Variants in STK32B observed in about 807,000 individuals in gnomAD.
The protein encoded by STK32B is serine/threonine-protein kinase 32B.
In STK32B, 43 loss-of-function variants were observed where a neutral mutation model predicts 52.6. The observed-to-expected ratio is 0.82, with a 90% confidence interval of 0.64 to 1.05. The LOEUF is 1.05. Among genes scored for constraint, STK32B ranks in the 50% least tolerant of loss-of-function variants. STK32B has a pLI of 0.00. For missense variants in STK32B, 621 were observed against 534.6 expected (o/e 1.16, Z -1.59); for synonymous variants, 238 against 204.3 (o/e 1.17, Z -1.41).
rs1382422296 is a variant in STK32B, at chr4:5,351,001, TC to T, written c.434+19610del. Among the ~76,000 whole-genome samples the T allele has an allele frequency of 5.9e-5, 9 of 152,038 alleles. No individual in the cohort carries two copies. In the East Asian group the frequency reaches 1.7e-3, roughly 29 times the overall value. On this transcript the variant is annotated intron_variant, in intron 4 of 11. Transcript: ENST00000282908. ...ATTAGATCTAAAGGGAAAGATAGAC[TC>T]CAGTACAATAACAGTTGGGGACTTT...
intron 11 of STK32B, among the ~76,000 whole-genome samples, chr4:5,486,271 C>G (rs1246455237): frequency 3.9e-5 from 6 of 152,214 alleles, no homozygotes; most frequent in African/African-American, 7.2e-5. Context: ...TTTACCTACT[C>G]AAGCCTTGGC....
At chr4:5,023,215 G>A in the STK32B span, among the ~76,000 whole-genome samples, 70 of 152,308 alleles carry the variant, frequency 4.6e-4, 1 homozygote, top group East Asian at 0.012. Flanking sequence ...GCCCGGAATT[G>A]TAAGATCATA....
intron 1 of STK32B, among the ~76,000 whole-genome samples, chr4:5,087,348 C>T (rs192951674): frequency 6.6e-6 from 1 of 151,716 alleles, no homozygotes; most frequent in East Asian, 1.9e-4. Flanking sequence ...CACTATAGAA[C>T]ATCTATTTAA....
rs547947124 is a variant in STK32B, at chr4:5,144,042, A to T, written c.108+4082A>T. On this transcript the variant is annotated intron_variant, in intron 2 of 11. Transcript: ENST00000282908. ...GTGGTTGCCAGAGGAGTGATCGGCTAGTCAGTGTTTATAAGGAGTAGCTCA... is the reference window on the plus strand; with the variant it reads ...GTGGTTGCCAGAGGAGTGATCGGCTTGTCAGTGTTTATAAGGAGTAGCTCA... Among the ~76,000 whole-genome samples, 40 of 152,276 alleles carry T rather than the reference A, an allele frequency of 2.6e-4. 1 individual carries two copies. The South Asian group carries it at 7.9e-3, about 30-fold the overall frequency.
intron 11 of STK32B, among the ~76,000 whole-genome samples, chr4:5,483,667 T>G (rs1275716721): frequency 6.6e-6 from 1 of 152,190 alleles, no homozygotes; most frequent in African/African-American, 2.4e-5. Flanking sequence ...CTAGTTCTTT[T>G]AATTGTGATG....
intron 3 of STK32B, among the ~76,000 whole-genome samples, chr4:5,276,113 A>G (rs1338107588): frequency 6.6e-6 from 1 of 150,976 alleles, no homozygotes; most frequent in South Asian, 2.1e-4. Flanking sequence ...ACTTGGAAAA[A>G]CCCCATCTCT....
intron 3 of STK32B, among the ~76,000 whole-genome samples, chr4:5,270,731 G>A (rs1411114267): frequency 6.6e-6 from 1 of 152,104 alleles, no homozygotes; most frequent in Non-Finnish European, 1.5e-5. Flanking sequence ...GAAATAAAAA[G>A]CATTAAGATG....
intron 3 of STK32B, among the ~76,000 whole-genome samples, chr4:5,285,725 T>C (rs190260513): frequency 1.3e-5 from 2 of 152,294 alleles, no homozygotes; most frequent in Admixed American, 6.5e-5. Flanking sequence ...TATTAGTAGA[T>C]AGATCAAATG....
chr4:5,232,913 T>C lies in STK32B; in HGVS notation c.260+64463T>C, dbSNP rs919190136. ...AAGGAGAATGGGATTGAGGCACTTA[T>C]TCCCTAGCTCCTTGCATCTGAAGAT... On this transcript the variant is annotated intron_variant, in intron 3 of 11. Coordinates refer to ENST00000282908, the MANE Select transcript of STK32B (RefSeq NM_018401.3). 4.0e-5 allele frequency among the ~76,000 whole-genome samples: 6 copies of C among 151,804 alleles called. No homozygotes were observed. In the East Asian group the frequency reaches 7.7e-4, roughly 20 times the overall value.
intron 2 of STK32B, among the ~76,000 whole-genome samples, chr4:5,140,642 A>G (rs967748635): frequency 6.6e-6 from 1 of 152,218 alleles, no homozygotes; most frequent in Non-Finnish European, 1.5e-5. Context: ...TTTGAGCTGA[A>G]GGCTGACCAG....
At chr4:5,487,280 T>G (rs1467697984) in intron 11 of STK32B, among the ~76,000 whole-genome samples, 1 of 152,222 alleles carries the variant, frequency 6.6e-6, no homozygotes, top group African/African-American at 2.4e-5. Context: ...AGTATTGATT[T>G]CCATCTAATT....
intron 3 of STK32B, among the ~76,000 whole-genome samples, chr4:5,236,251 C>A (rs1268850540): frequency 2.6e-5 from 4 of 152,198 alleles, no homozygotes; most frequent in Non-Finnish European, 5.9e-5. Flanking sequence ...ACACCTTCCA[C>A]CTGGCACTCA....
intron 3 of STK32B, among the ~76,000 whole-genome samples, chr4:5,323,082 G>A (rs944241332): frequency 5.3e-5 from 8 of 152,162 alleles, no homozygotes; most frequent in Admixed American, 3.3e-4. Context: ...TAAGGGATGA[G>A]CAGGGGGTCT....
At chr4:5,309,604 G>A (rs926812078) in intron 3 of STK32B, among the ~76,000 whole-genome samples, 3 of 152,112 alleles carry the variant, frequency 2.0e-5, no homozygotes, top group African/African-American at 4.8e-5. Context: ...TGGACTTTTG[G>A]CAAAGGTACC....
chr4:5,150,497 A>G (rs1208032892), intron 2 of STK32B, among the ~76,000 whole-genome samples: 1 of 152,148 alleles, frequency 6.6e-6, no homozygotes, highest in East Asian at 1.9e-4. Context: ...TTAAAAACAT[A>G]TTTTTAACAA....
rs528302768 is a variant in STK32B, at chr4:5,371,402, A to G, written c.435-26805A>G. Among the ~76,000 whole-genome samples the G allele has an allele frequency of 2.9e-4, 44 of 152,332 alleles. 1 individual carries two copies. In the South Asian group the frequency reaches 7.1e-3, roughly 24 times the overall value. ...TTTCTTGCTAAAGTGACTTAGCAGG[A>G]ATCTTGCTAAAACTGGATTTAGCAA... On this transcript the variant is annotated intron_variant, in intron 4 of 11. Transcript: ENST00000282908.
At chr4:5,490,293 G>A (rs1386081289) in intron 11 of STK32B, among the ~76,000 whole-genome samples, 1 of 152,006 alleles carries the variant, frequency 6.6e-6, no homozygotes, top group Non-Finnish European at 1.5e-5. Flanking sequence ...TTTTAGTAGA[G>A]ATGGGGTTTC....
chr4:5,266,425 C>T (rs545538309), intron 3 of STK32B, among the ~76,000 whole-genome samples: 2 of 152,276 alleles, frequency 1.3e-5, no homozygotes, highest in South Asian at 4.2e-4. Flanking sequence ...GTTTCAAAAA[C>T]AGTATACAAA....
intron 1 of STK32B, among the ~76,000 whole-genome samples, chr4:5,087,083 T>A (rs1353427227): frequency 6.6e-6 from 1 of 152,210 alleles, no homozygotes; most frequent in East Asian, 1.9e-4. Flanking sequence ...TTATTCCATG[T>A]GTTTTAAAAA....
Sources: gnomAD v4.1 joint callset for allele counts (sites outside exome capture counted in the v4.1 genomes callset) on GRCh38, gnomAD v4.1.1 for gene constraint, MANE v1.5 for transcripts, NCBI Gene and HGNC (gene_info 2026-07-23, HGNC 2026-07-21) for gene names.